The following CEP162 variants were observed in gnomAD, a reference collection of about 807,000 sequenced individuals.
CEP162 encodes the protein centrosomal protein 162.
CEP162 carries 141 observed loss-of-function variants against 169.2 expected under a neutral mutation model. The ratio of observed to expected loss-of-function variants is 0.83; its 90% CI spans 0.73 to 0.96. CEP162 has a LOEUF of 0.96. Among genes scored for constraint, CEP162 ranks in the 40% least tolerant of loss-of-function variants. The probability of loss-of-function intolerance (pLI) is 0.00; values close to 1 mark genes in which losing one functional copy is unlikely to be tolerated. For synonymous variants in CEP162, 540 were observed against 526.4 expected (o/e 1.03, Z -0.35); for missense variants, 1,600 against 1,587.2 (o/e 1.01, Z -0.14).
At position 84,185,309 on chromosome 6, in the gene CEP162, C is replaced by A; in HGVS notation, c.1541G>T (p.Gly514Val). The change falls in exon 13 of 27, where the codon GGC becomes GTC. Residue 514 changes from glycine (G) to valine (V), a missense_variant. Transcript: ENST00000403245. ...GAGTGGTGAACTGGGTTTGCCATAG[C>A]CTGAGCTCCTAACTGACGCATATAA... The part of the protein sequence containing the change: ...SGLYASVRSS[G>V]YGKPSSPLKM... 6.2e-7 allele frequency: 1 copy of A among 1,613,630 alleles called. No homozygotes were observed. The highest frequency in any genetic ancestry group is 1.1e-5 in the South Asian group (1 of 91,068).
rs1282263989 is a variant in CEP162, at chr6:84,204,061, C to T, written c.607G>A (p.Gly203Ser). Reference sequence around the variant, plus strand: ...TCATCTTTAGTAGTCAACGGTGCACCAACATACTCATCTTCAAAATCATCA... The same window carrying T: ...TCATCTTTAGTAGTCAACGGTGCACTAACATACTCATCTTCAAAATCATCA... ...YSDDFEDEYV[G>S]APLTTKDEEM... The change falls in exon 7 of 27, where the codon GGT becomes AGT. Residue 203 changes from glycine (G) to serine (S), a missense_variant. Coordinates refer to ENST00000403245, the MANE Select transcript of CEP162 (RefSeq NM_014895.4). 2.5e-6 allele frequency: 4 copies of T among 1,603,742 alleles called. No individual in the cohort carries two copies. Among genetic ancestry groups the T allele is most frequent in the Non-Finnish European group, 3.4e-6 (4 of 1,175,146 alleles).
intron 2 of CEP162, 37 bp downstream of exon 2, chr6:84,226,300 A>G: frequency 7.3e-7 from 1 of 1,373,918 alleles, no homozygotes; most frequent in Non-Finnish European, 1.0e-6. Context: ...CTTTTGAGAC[A>G]AATTTGACAA....
chr6:84,162,468 ACTGCAGAG>A (rs1245221223), intron 19 of CEP162, among the ~76,000 whole-genome samples: 1 of 152,190 alleles, frequency 6.6e-6, no homozygotes, highest in African/African-American at 2.4e-5. Context: ...AGCTCATAAT[ACTGCAGAG>A]GAAAGATCCT....
In CEP162 at chr6:84,204,981, C is replaced by T. The variant is rs185980321; in HGVS notation, c.572-885G>A. 2.3e-3 allele frequency among the ~76,000 whole-genome samples: 306 copies of T among 135,480 alleles called. 1 individual carries two copies. Among genetic ancestry groups the T allele is most frequent in the African/African-American group, 0.011 (280 of 26,016 alleles). 88.9% of individuals were successfully genotyped at this position (135,480 alleles called of 152,430 possible). ...AATAAACTAGAAAATCTAGAAGAAA[C>T]GGATAAATCCTGGACACATACACCC... On this transcript the variant is annotated intron_variant, in intron 6 of 26. Transcript: ENST00000403245.
At chr6:84,223,060 A>G (rs2099554334) in intron 2 of CEP162, among the ~76,000 whole-genome samples, 1 of 152,206 alleles carries the variant, frequency 6.6e-6, no homozygotes, top group Admixed American at 6.5e-5. Context: ...TAGGCATGGT[A>G]CTACTGACCT....
At chr6:84,177,669 G>A (rs1429861325) in intron 13 of CEP162, among the ~76,000 whole-genome samples, 1 of 152,154 alleles carries the variant, frequency 6.6e-6, no homozygotes, top group East Asian at 1.9e-4. Context: ...CCAAGTAGCT[G>A]GGATTACAAG....
intron 21 of CEP162, among the ~76,000 whole-genome samples, chr6:84,160,485 G>C (rs949555040): frequency 1.3e-5 from 2 of 152,086 alleles, no homozygotes; most frequent in African/African-American, 4.8e-5. Context: ...TCTCTCAGCT[G>C]TCTACGGTCA....
chr6:84,179,516 G>A (rs1276419527), intron 13 of CEP162, among the ~76,000 whole-genome samples: 1 of 152,008 alleles, frequency 6.6e-6, no homozygotes, highest in Non-Finnish European at 1.5e-5. Flanking sequence ...TTTTGATGGG[G>A]TTGTTTTTTT....
Position 84,219,906 on chromosome 6 carries a change from C to T in CEP162, c.172+1151G>A, listed in dbSNP as rs185964909. On this transcript the variant is annotated intron_variant, in intron 3 of 26. Coordinates refer to ENST00000403245, the MANE Select transcript of CEP162 (RefSeq NM_014895.4). ...TTCTGACATCAAAATGAAGGAGAAA[C>T]TAATTGTGACAAGAGAGCTAGAAGA... 1.5e-4 allele frequency among the ~76,000 whole-genome samples: 23 copies of T among 152,132 alleles called. No individual in the cohort carries two copies. The East Asian group carries it at 1.7e-3, about 12-fold the overall frequency.
chr6:84,179,279 A>T (rs1294323991), intron 13 of CEP162, among the ~76,000 whole-genome samples: 1 of 141,020 alleles, frequency 7.1e-6, no homozygotes, highest in Non-Finnish European at 1.6e-5. Context: ...TCCTACCAAC[A>T]GTGTAAAAGT....
intron 23 of CEP162, among the ~76,000 whole-genome samples, chr6:84,151,611 T>A (rs2099521143): frequency 1.3e-5 from 2 of 152,032 alleles, no homozygotes. Flanking sequence ...AATGGGTAAG[T>A]TTAGCAACAG....
At chr6:84,192,469 A>G (rs2099540326) in intron 11 of CEP162, among the ~76,000 whole-genome samples, 1 of 152,230 alleles carries the variant, frequency 6.6e-6, no homozygotes, top group Admixed American at 6.5e-5. Flanking sequence ...AATACTAATT[A>G]GCACTACAGA....
intron 18 of CEP162, among the ~76,000 whole-genome samples, chr6:84,168,975 G>A (rs1339830964): frequency 2.0e-5 from 3 of 152,090 alleles, no homozygotes; most frequent in East Asian, 1.9e-4. Context: ...TAGGCTGCAC[G>A]CTTTCAAATA....
chr6:84,200,535 T>G (rs1352222261), intron 9 of CEP162, among the ~76,000 whole-genome samples: 1 of 152,204 alleles, frequency 6.6e-6, no homozygotes, highest in African/African-American at 2.4e-5. Context: ...CCTACAGTGC[T>G]ACACTATTAT....
At chr6:84,165,925 G>C (rs2099527634) in intron 18 of CEP162, among the ~76,000 whole-genome samples, 1 of 152,112 alleles carries the variant, frequency 6.6e-6, no homozygotes, top group Admixed American at 6.6e-5. Context: ...TGATCTAAAA[G>C]TTGCCGAATG....
chr6:84,217,537 G>C (rs886505487), intron 3 of CEP162, among the ~76,000 whole-genome samples: 17 of 152,172 alleles, frequency 1.1e-4, no homozygotes, highest in African/African-American at 3.6e-4. Context: ...TAGTGATACG[G>C]GCATAAGCAA....
intron 6 of CEP162, among the ~76,000 whole-genome samples, chr6:84,205,270 AC>A (rs553115825): frequency 0.011 from 1,660 of 152,286 alleles, 15 homozygotes; most frequent in Non-Finnish European, 0.015. Context: ...AGACACAACA[AC>A]AAAAAAAGAG....
chr6:84,149,116 G>A (rs894619549), intron 24 of CEP162, among the ~76,000 whole-genome samples: 1 of 152,038 alleles, frequency 6.6e-6, no homozygotes, highest in African/African-American at 2.4e-5. Context: ...GTGCCTGATT[G>A]TCTATTGACC....
At chr6:84,163,016 A>G (rs554382468) in intron 19 of CEP162, 128 bp downstream of exon 19, 59 of 887,666 alleles carry the variant, frequency 6.6e-5, no homozygotes, top group Non-Finnish European at 1.7e-6. Context: ...ATTTTAAAAA[A>G]TGTTTCTAAA....
Sources: allele counts gnomAD v4.1 joint callset (sites outside exome capture counted in the v4.1 genomes callset), GRCh38; gene constraint gnomAD v4.1.1; transcripts MANE v1.5; gene names NCBI Gene and HGNC (gene_info 2026-07-23, HGNC 2026-07-21).